IQSEC1: variants seen among roughly 807,000 people sequenced by gnomAD.
IQSEC1 encodes the protein IQ motif and Sec7 domain ArfGEF 1.
In IQSEC1, 31 loss-of-function variants were observed where a neutral mutation model predicts 91.0. That is an observed-to-expected ratio of 0.34 (90% CI 0.26 to 0.46). The LOEUF is 0.46. Among genes scored for constraint, IQSEC1 ranks in the 20% least tolerant of loss-of-function variants. The pLI is 1.00. For missense variants in IQSEC1, 1,388 were observed against 1,575.6 expected (o/e 0.88, Z 2.02); for synonymous variants, 699 against 662.6 (o/e 1.05, Z -0.84).
chr3:13,260,075 C>T (rs1428939951), intron 1 of IQSEC1, among the ~76,000 whole-genome samples: 1 of 152,118 alleles, frequency 6.6e-6, no homozygotes, highest in Non-Finnish European at 1.5e-5. Flanking sequence ...GCTCACCACG[C>T]CTGGAGGACA....
At chr3:12,901,667 G>A (rs1417853427) in intron 13 of IQSEC1, 145 bp from the exon 14 acceptor site, 2 of 716,474 alleles carry the variant, frequency 2.8e-6, no homozygotes, top group Admixed American at 2.7e-5. Context: ...GGCTCAGTGA[G>A]GCTGGACTGG....
At chr3:12,953,793 T>C (rs147085581) in intron 1 of IQSEC1, among the ~76,000 whole-genome samples, 6 of 152,284 alleles carry the variant, frequency 3.9e-5, no homozygotes, top group Non-Finnish European at 7.4e-5. Flanking sequence ...GACAGTAACA[T>C]TATGGGCTAG....
intron 2 of IQSEC1, among the ~76,000 whole-genome samples, chr3:13,115,256 G>A (rs1043174491): frequency 1.3e-5 from 2 of 151,676 alleles, no homozygotes; most frequent in African/African-American, 2.4e-5. Context: ...CATTTCCCCC[G>A]CTTCCCTCCC....
At position 13,011,235 on chromosome 3, in the gene IQSEC1, C is replaced by A. The variant is rs1371241501; in HGVS notation, c.23+61757G>T. ...CCAGCAGACACAGGGCTGAAAGACC[C>A]AGGGCCTACCCGCAGGGGCTTAGAG... is the stretch of plus-strand genomic sequence containing the variant. On this transcript the variant is annotated intron_variant, in intron 1 of 13. Transcript: ENST00000613206. 3.3e-5 allele frequency among the ~76,000 whole-genome samples: 5 copies of A among 152,328 alleles called. No homozygotes were observed. In the East Asian group the frequency reaches 9.6e-4, roughly 29 times the overall value.
At position 12,997,126 on chromosome 3, in the gene IQSEC1, A is replaced by G. The variant is rs141867536; in HGVS notation, c.24-55261T>C. Among the ~76,000 whole-genome samples, 172 of 152,346 alleles carry G rather than the reference A, an allele frequency of 1.1e-3. 1 individual carries two copies. Among genetic ancestry groups the G allele is most frequent in the African/African-American group, 3.7e-3 (154 of 41,582 alleles). On this transcript the variant is annotated intron_variant, in intron 1 of 13. Coordinates refer to ENST00000613206, the MANE Select transcript of IQSEC1 (RefSeq NM_001134382.3). The stretch of plus-strand genomic sequence containing the variant: ...GAGTAACTTCATTAAGATACCCATT[A>G]CTGGGACTTTGTCCTAGGATGGACA...
intron 3 of IQSEC1, among the ~76,000 whole-genome samples, chr3:12,927,939 G>T (rs1697305690): frequency 2.6e-5 from 4 of 151,886 alleles, no homozygotes; most frequent in African/African-American, 9.7e-5. Flanking sequence ...GGCGAAGGGG[G>T]TAGTGGGGCG....
chr3:13,005,502 T>C (rs360834), intron 1 of IQSEC1, among the ~76,000 whole-genome samples: 83,539 of 151,950 alleles, frequency 0.55, 23,070 homozygotes, highest in South Asian at 0.66. Context: ...CGTAGCTGGG[T>C]GACCACGGAG....
intron 1 of IQSEC1, among the ~76,000 whole-genome samples, chr3:13,249,221 G>C (rs921262617): frequency 1.4e-5 from 2 of 147,502 alleles, no homozygotes; most frequent in Admixed American, 1.4e-4. Flanking sequence ...ACCCAGGCTG[G>C]AGTGCAGTGG....
chr3:13,156,089 G>A (rs1053025471), intron 2 of IQSEC1, among the ~76,000 whole-genome samples: 11 of 151,304 alleles, frequency 7.3e-5, no homozygotes, highest in African/African-American at 2.7e-4. Flanking sequence ...AAAAGTAGCT[G>A]GGCATGGTGG....
In IQSEC1 at chr3:12,899,673, G is replaced by A. The variant is rs1694026491; in HGVS notation, c.*1310C>T. ...GGGTTCTGCTAGCACATGGCTACAT[G>A]GAATTACGGTGATCACTGCTACCAC... On this transcript the variant is annotated 3_prime_UTR_variant, in exon 14 of 14. Transcript: ENST00000613206. 5 of 985,308 alleles carry A rather than the reference G, an allele frequency of 5.1e-6. No individual in the cohort carries two copies. Among genetic ancestry groups the A allele is most frequent in the South Asian group, 9.4e-5 (2 of 21,294 alleles). 61.0% of individuals were successfully genotyped at this position (985,308 alleles called of 1,614,324 possible). A position where few individuals can be genotyped will look rare whatever the true frequency, so the allele number is the denominator to read the frequency against.
Position 12,898,325 on chromosome 3 carries a change from A to C in IQSEC1, c.*2658T>G, listed in dbSNP as rs1298366470. 6.6e-6 allele frequency: 1 copy of C among 152,254 alleles called. No homozygotes were observed. The highest frequency in any genetic ancestry group is 1.5e-5 in the Non-Finnish European group (1 of 68,048). 9.4% of individuals were successfully genotyped at this position (152,254 alleles called of 1,614,324 possible). ...GAACCCAACAATGTATCTTCCACAAACTTTTGATAAGCTTGCAAATAAAAC... is the reference window on the plus strand; with the variant it reads ...GAACCCAACAATGTATCTTCCACAACCTTTTGATAAGCTTGCAAATAAAAC... On this transcript the variant is annotated 3_prime_UTR_variant, in exon 14 of 14. Transcript: ENST00000613206.
chr3:13,178,491 C>T (rs9812508), intron 1 of IQSEC1, among the ~76,000 whole-genome samples: 4,997 of 152,326 alleles, frequency 0.033, 266 homozygotes, highest in African/African-American at 0.11. Context: ...TTGCTCCTAG[C>T]TGCAGGGGCT....
chr3:12,923,696 G>A (rs1397689173), intron 4 of IQSEC1, among the ~76,000 whole-genome samples: 1 of 152,218 alleles, frequency 6.6e-6, no homozygotes, highest in African/African-American at 2.4e-5. Flanking sequence ...GGGAGAAGCA[G>A]CAGAGATGGC....
chr3:13,242,547 G>A lies in IQSEC1; in HGVS notation c.272+40164C>T, dbSNP rs139648602. On this transcript the variant is annotated intron_variant, in intron 1 of 15. Coordinates refer to the IQSEC1 transcript ENST00000648114. ...CTTCCACTAGCTGCACATCCCGGCCGTGGCTGAAGCCTCTGTGTCCGTCCA... is the reference window on the plus strand; with the variant it reads ...CTTCCACTAGCTGCACATCCCGGCCATGGCTGAAGCCTCTGTGTCCGTCCA... Among the ~76,000 whole-genome samples the A allele has an allele frequency of 2.6e-3, 393 of 152,308 alleles. 1 individual carries two copies. The highest frequency in any genetic ancestry group is 9.1e-3 in the African/African-American group (377 of 41,566).
chr3:12,973,019 A>G (rs1700980766), intron 1 of IQSEC1, among the ~76,000 whole-genome samples: 1 of 152,198 alleles, frequency 6.6e-6, no homozygotes, highest in Non-Finnish European at 1.5e-5. Context: ...TAAAATTCCA[A>G]CCATTTTCCA....
Position 12,899,929 on chromosome 3 carries a change from CTCTG to C in IQSEC1, c.*1050_*1053del. 2.0e-6 allele frequency: 2 copies of C among 985,168 alleles called. No individual in the cohort carries two copies. Among genetic ancestry groups the C allele is most frequent in the Non-Finnish European group, 2.4e-6 (2 of 829,884 alleles). 61.0% of individuals were successfully genotyped at this position (985,168 alleles called of 1,614,324 possible). ...GTGTATGGGTGCCCCTCTCGGAGGACTCTGAATGAGTGTGCGTCAAATCATATGC... is the reference window on the plus strand; with the variant it reads ...GTGTATGGGTGCCCCTCTCGGAGGACAATGAGTGTGCGTCAAATCATATGC... On this transcript the variant is annotated 3_prime_UTR_variant, in exon 14 of 14. Transcript: ENST00000613206.
intron 1 of IQSEC1, among the ~76,000 whole-genome samples, chr3:13,069,412 T>A (rs1027376685): frequency 6.6e-6 from 1 of 152,022 alleles, no homozygotes; most frequent in African/African-American, 2.4e-5. Context: ...TGTGGAATGT[T>A]CCAGGCCCAG....
At position 12,983,773 on chromosome 3, in the gene IQSEC1, G is replaced by C. The variant is rs904883618; in HGVS notation, c.24-41908C>G. On this transcript the variant is annotated intron_variant, in intron 1 of 13. Coordinates refer to ENST00000613206, the MANE Select transcript of IQSEC1 (RefSeq NM_001134382.3). The surrounding 1 kb of genome is among the most constrained non-coding windows in gnomAD (Gnocchi z 4.3). ...GACAGCTCCGTGAGGATAAGAATAA[G>C]GTTGTCCGACATACCCCACTTATGC... 1.3e-5 allele frequency among the ~76,000 whole-genome samples: 2 copies of C among 152,166 alleles called. No homozygotes were observed. The highest frequency in any genetic ancestry group is 4.8e-5 in the African/African-American group (2 of 41,416).
intron 1 of IQSEC1, among the ~76,000 whole-genome samples, chr3:13,250,912 C>T (rs1190032047): frequency 6.6e-6 from 1 of 152,186 alleles, no homozygotes; most frequent in East Asian, 1.9e-4. Context: ...TGAGTCCCTG[C>T]CACATGCAGC....
Sources: allele counts gnomAD v4.1 joint callset (sites outside exome capture counted in the v4.1 genomes callset), GRCh38; gene constraint gnomAD v4.1.1; non-coding constraint Gnocchi (gnomAD v3.1); transcripts MANE v1.5; gene names NCBI Gene and HGNC (gene_info 2026-07-23, HGNC 2026-07-21).